The following ADAMTS3 variants were observed in gnomAD, a reference collection of about 807,000 sequenced individuals.
ADAMTS3 encodes the protein ADAM metallopeptidase with thrombospondin type 1 motif 3.
Under a neutral mutation model 129.0 loss-of-function variants are expected in ADAMTS3, and 73 were observed. The observed-to-expected ratio is 0.57, with a 90% CI of 0.47 to 0.69. The LOEUF (loss-of-function observed/expected upper bound fraction) is 0.69, where lower values mean the gene tolerates loss of function less well. ADAMTS3 is among the 30% of genes least tolerant of loss of function. The pLI, the probability that ADAMTS3 is intolerant of heterozygous loss-of-function variation, is 0.00. For missense variants in ADAMTS3, 1,457 were observed against 1,514.5 expected, an observed-to-expected ratio of 0.96 and a Z score of 0.63; for synonymous variants, 477 against 510.8, an observed-to-expected ratio of 0.93 and a Z score of 0.89.
At chr4:72,403,125 G>T (rs1721966218) in intron 4 of ADAMTS3, among the ~76,000 whole-genome samples, 1 of 151,990 alleles carries the variant, frequency 6.6e-6, no homozygotes, top group Non-Finnish European at 1.5e-5. Context: ...ATCATGTTTG[G>T]TCTTAATTTT....
At chr4:72,517,818 T>G (rs1482611438) in intron 3 of ADAMTS3, among the ~76,000 whole-genome samples, 1 of 151,774 alleles carries the variant, frequency 6.6e-6, no homozygotes, top group Non-Finnish European at 1.5e-5. Flanking sequence ...TTGAAGGGTT[T>G]TTTGTGTCTC....
At chr4:72,463,583 ATTCTCCATCCC>A (rs1718834623) in intron 3 of ADAMTS3, among the ~76,000 whole-genome samples, 1 of 151,466 alleles carries the variant, frequency 6.6e-6, no homozygotes, top group Non-Finnish European at 1.5e-5. Context: ...AAGAATACTC[ATTCTCCATCCC>A]TCTCCCAAAC....
chr4:72,533,696 CT>C (rs1380275736), intron 3 of ADAMTS3, among the ~76,000 whole-genome samples: 2 of 36,848 alleles, frequency 5.4e-5, no homozygotes, highest in Non-Finnish European at 1.2e-4. Flanking sequence ...TGTATATATA[CT>C]TTTTTCTTTA....
chr4:72,311,165 GT>G lies in ADAMTS3; in HGVS notation c.1937del (p.His646ProfsTer15). ...YEHPDPKKRC[H>X]LYCQSKETGD... Reference sequence around the variant, plus strand: ...CAGTCTCCTTGGACTGACAGTAAAGGTGGCATCTTTTCTTGGCTGCATAAGA... The same window carrying G: ...CAGTCTCCTTGGACTGACAGTAAAGGGGCATCTTTTCTTGGCTGCATAAGA... On this transcript the variant is annotated frameshift_variant, in exon 14 of 22. Transcript: ENST00000286657. LOFTEE classifies it high-confidence loss of function. 1 of 1,610,798 alleles carries G rather than the reference GT, an allele frequency of 6.2e-7. No homozygotes were observed. Among genetic ancestry groups the G allele is most frequent in the Non-Finnish European group, 8.5e-7 (1 of 1,178,128 alleles).
chr4:72,318,523 A>T, intron 10 of ADAMTS3, 49 bp downstream of exon 10: 1 of 1,599,168 alleles, frequency 6.3e-7, no homozygotes, highest in African/African-American at 1.3e-5. Flanking sequence ...CAGGAGCTAC[A>T]CAAATAGATT....
chr4:72,564,972 G>A lies in ADAMTS3; in HGVS notation c.97+2402C>T, dbSNP rs1354748488. Reference sequence around the variant, plus strand: ...CACCTTTCATAACGGGAGAATGCTTGGCAGTTGGCATGAGGGACGTACAGG... The same window carrying A: ...CACCTTTCATAACGGGAGAATGCTTAGCAGTTGGCATGAGGGACGTACAGG... On this transcript the variant is annotated intron_variant, in intron 2 of 21. Coordinates refer to ENST00000286657, the MANE Select transcript of ADAMTS3 (RefSeq NM_014243.3). Among the ~76,000 whole-genome samples the A allele has an allele frequency of 3.9e-5, 6 of 152,132 alleles. No individual in the cohort carries two copies. In the East Asian group the frequency reaches 1.2e-3, roughly 29 times the overall value.
At chr4:72,469,232 C>T (rs912090226) in intron 3 of ADAMTS3, among the ~76,000 whole-genome samples, 2 of 152,024 alleles carry the variant, frequency 1.3e-5, no homozygotes, top group Non-Finnish European at 2.9e-5. Flanking sequence ...AACCAGTTAA[C>T]AATGTAGCCC....
intron 8 of ADAMTS3, 132 bp from the exon 9 acceptor site, chr4:72,319,607 C>T (rs540984152): frequency 3.7e-5 from 41 of 1,094,930 alleles, no homozygotes; most frequent in Middle Eastern, 2.1e-4. Context: ...GTCACAGAAA[C>T]GGAAATTGAC....
intron 3 of ADAMTS3, among the ~76,000 whole-genome samples, chr4:72,502,639 T>C (rs1720054932): frequency 6.6e-6 from 1 of 152,174 alleles, no homozygotes; most frequent in African/African-American, 2.4e-5. Flanking sequence ...TGATTCCTGC[T>C]AGCTTTGGGA....
chr4:72,537,530 A>G (rs894995244), intron 3 of ADAMTS3, among the ~76,000 whole-genome samples: 9 of 152,200 alleles, frequency 5.9e-5, no homozygotes, highest in African/African-American at 1.7e-4. Flanking sequence ...GCACAGGCTC[A>G]GAAAAGACCT....
At chr4:72,355,384 C>T (rs1438023715) in intron 4 of ADAMTS3, among the ~76,000 whole-genome samples, 1 of 151,928 alleles carries the variant, frequency 6.6e-6, no homozygotes, top group Non-Finnish European at 1.5e-5. Context: ...AAGGTAAATT[C>T]ATGTATTACA....
At chr4:72,560,168 T>C (rs1253437716) in intron 2 of ADAMTS3, among the ~76,000 whole-genome samples, 1 of 151,418 alleles carries the variant, frequency 6.6e-6, no homozygotes, top group Admixed American at 6.6e-5. Flanking sequence ...TTACACCTTA[T>C]TTAAAAATTA....
chr4:72,388,883 C>T (rs962733499), intron 4 of ADAMTS3, among the ~76,000 whole-genome samples: 1 of 152,170 alleles, frequency 6.6e-6, no homozygotes, highest in Non-Finnish European at 1.5e-5. Flanking sequence ...GAGTTCTCTC[C>T]CAGTGGTGTC....
intron 2 of ADAMTS3, among the ~76,000 whole-genome samples, chr4:72,552,651 C>T (rs1321913146): frequency 6.6e-6 from 1 of 152,174 alleles, no homozygotes; most frequent in Admixed American, 6.5e-5. Flanking sequence ...AGTAAAATGG[C>T]TCATAAGGTC....
At chr4:72,292,536 A>G (rs1718700975) in intron 19 of ADAMTS3, among the ~76,000 whole-genome samples, 1 of 152,206 alleles carries the variant, frequency 6.6e-6, no homozygotes, top group Admixed American at 6.5e-5. Context: ...AATATTAACC[A>G]GGGGACATTC....
chr4:72,404,205 T>C (rs1448679595), intron 4 of ADAMTS3, among the ~76,000 whole-genome samples: 5 of 152,138 alleles, frequency 3.3e-5, no homozygotes, highest in Admixed American at 2.6e-4. Context: ...GGACCCTTGG[T>C]AGCCAAAATA....
intron 17 of ADAMTS3, among the ~76,000 whole-genome samples, chr4:72,301,777 G>T (rs574126075): frequency 1.3e-4 from 20 of 151,950 alleles, no homozygotes; most frequent in Non-Finnish European, 2.8e-4. Flanking sequence ...AGAGAAACAA[G>T]CCAGATCTTA....
chr4:72,409,251 A>G (rs1722128110), intron 4 of ADAMTS3, among the ~76,000 whole-genome samples: 1 of 152,236 alleles, frequency 6.6e-6, no homozygotes, highest in Admixed American at 6.5e-5. Flanking sequence ...ATTGAAAAGG[A>G]GCAATTACAT....
intron 4 of ADAMTS3, among the ~76,000 whole-genome samples, chr4:72,410,816 T>C (rs140578914): frequency 2.8e-4 from 43 of 152,248 alleles, no homozygotes; most frequent in African/African-American, 9.9e-4. Flanking sequence ...CAAAATGTCA[T>C]TTCCATGCCC....
Sources: gnomAD v4.1 joint callset for allele counts (sites outside exome capture counted in the v4.1 genomes callset) on GRCh38, gnomAD v4.1.1 for gene constraint, MANE v1.5 for transcripts, NCBI Gene and HGNC (gene_info 2026-07-23, HGNC 2026-07-21) for gene names.